The following MYO6 variants were observed in gnomAD, a reference collection of about 807,000 sequenced individuals.
MYO6 encodes unconventional myosin-VI.
Under a neutral mutation model 178.7 loss-of-function variants are expected in MYO6, and 74 were observed. That is an observed-to-expected ratio of 0.41 (90% CI 0.34 to 0.50). The LOEUF is 0.50. MYO6 is among the 20% of genes least tolerant of loss of function. MYO6 has a pLI of 0.09. For missense variants in MYO6, 1,330 were observed against 1,547.4 expected (o/e 0.86, Z 2.36); for synonymous variants, 477 against 504.6 (o/e 0.95, Z 0.73).
intron 1 of MYO6, among the ~76,000 whole-genome samples, chr6:75,772,723 A>C (rs1325454514): frequency 6.6e-6 from 1 of 152,142 alleles, no homozygotes; most frequent in Non-Finnish European, 1.5e-5. Flanking sequence ...GAGGAATTTT[A>C]TACCTATTGT....
At chr6:75,823,198 T>C (rs1252111284) in intron 3 of MYO6, among the ~76,000 whole-genome samples, 6 of 152,210 alleles carry the variant, frequency 3.9e-5, no homozygotes, top group Admixed American at 3.9e-4. Flanking sequence ...TGTGGTTCAG[T>C]AATTTGGAAG....
At chr6:75,833,986 G>A (rs936812658) in intron 6 of MYO6, among the ~76,000 whole-genome samples, 1 of 152,178 alleles carries the variant, frequency 6.6e-6, no homozygotes, top group East Asian at 1.9e-4. Context: ...CGAGGATCTT[G>A]GAGGATACTG....
At chr6:75,814,274 G>A (rs1770989003) in intron 1 of MYO6, among the ~76,000 whole-genome samples, 1 of 152,152 alleles carries the variant, frequency 6.6e-6, no homozygotes, top group Non-Finnish European at 1.5e-5. Context: ...GCTGCCAAGG[G>A]GTGGGGAGAG....
chr6:75,749,780 C>A (rs1776690258), intron 1 of MYO6, among the ~76,000 whole-genome samples: 1 of 152,172 alleles, frequency 6.6e-6, no homozygotes, highest in Admixed American at 6.5e-5. Context: ...GCTTAAAATT[C>A]AGTGCAGGGG....
chr6:75,899,753 A>G (rs1779591929), intron 30 of MYO6, among the ~76,000 whole-genome samples: 1 of 144,716 alleles, frequency 6.9e-6, no homozygotes, highest in Admixed American at 6.9e-5. Flanking sequence ...TTATTATTAT[A>G]CTTTAAGTTT....
chr6:75,812,661 T>C (rs1027865382), intron 1 of MYO6, among the ~76,000 whole-genome samples: 3 of 79,016 alleles, frequency 3.8e-5, no homozygotes, highest in African/African-American at 7.9e-5. Context: ...ATTGTTTCAG[T>C]TTTTTTTTTA....
chr6:75,824,705 G>A (rs1397744674), intron 3 of MYO6, among the ~76,000 whole-genome samples: 3 of 151,932 alleles, frequency 2.0e-5, no homozygotes, highest in Non-Finnish European at 4.4e-5. Context: ...AACAGAAGTA[G>A]TGCCTTAACA....
intron 1 of MYO6, among the ~76,000 whole-genome samples, chr6:75,773,633 C>T (rs1766101190): frequency 6.6e-6 from 1 of 152,140 alleles, no homozygotes; most frequent in Admixed American, 6.5e-5. Flanking sequence ...CATCATCAAG[C>T]TTATGTTGCA....
rs1271231119 is a variant in MYO6 at position 75,830,892 on chromosome 6, C to T, written c.391+347C>T. ...ACCATCAGCTCCATCTTAAAATTGT[C>T]CTCCTTCACAATTTTGAGGTTCTGG... is the stretch of plus-strand genomic sequence containing the variant. On this transcript the variant is annotated intron_variant, in intron 5 of 34. Transcript: ENST00000369977. Among the ~76,000 whole-genome samples, 8 of 152,260 alleles carry T rather than the reference C, an allele frequency of 5.3e-5. No individual in the cohort carries two copies. In the East Asian group the frequency reaches 1.5e-3, roughly 29 times the overall value.
Position 75,866,625 on chromosome 6 carries a change from A to C in MYO6, c.1770+4A>C. ...GGGGGCAGTGTGCTATGAAACAGTG[A>C]GTATAACTTTTACAAGGAGAAAACC... is the stretch of plus-strand genomic sequence containing the variant. On this transcript the variant is annotated splice_donor_region_variant and intron_variant, in intron 17 of 34. Transcript: ENST00000369977. The C allele has an allele frequency of 6.2e-7, 1 of 1,610,568 alleles. No homozygotes were observed. The highest frequency in any genetic ancestry group is 1.1e-5 in the South Asian group (1 of 91,004).
At position 75,916,911 on chromosome 6, in the gene MYO6, A is replaced by C. The variant is rs567728745; in HGVS notation, c.*1899A>C. ...TTAGTTTTTGACTCTAATAGTTAAT[A>C]CAATTATAGTTAATCTTAAGCCATA... On this transcript the variant is annotated 3_prime_UTR_variant, in exon 35 of 35. Transcript: ENST00000369977. 3.3e-5 allele frequency: 5 copies of C among 152,334 alleles called. No homozygotes were observed. The highest frequency in any genetic ancestry group is 7.2e-5 in the African/African-American group (3 of 41,582). 9.4% of individuals were successfully genotyped at this position (152,334 alleles called of 1,614,324 possible).
chr6:75,800,152 C>T (rs935482382), intron 1 of MYO6, among the ~76,000 whole-genome samples: 3 of 152,086 alleles, frequency 2.0e-5, no homozygotes, highest in African/African-American at 4.8e-5. Flanking sequence ...CATGGTTCAA[C>T]CCCCCTCCAG....
At chr6:75,776,653 A>AGTGT (rs35830759) in intron 1 of MYO6, among the ~76,000 whole-genome samples, 6,645 of 144,618 alleles carry the variant, frequency 0.046, 184 homozygotes, top group Non-Finnish European at 0.053. Flanking sequence ...AGAAACGTGC[A>AGTGT]GTGTGTGTGT....
At chr6:75,828,474 G>T in intron 3 of MYO6, 66 bp from the exon 4 acceptor site, 4 of 953,678 alleles carry the variant, frequency 4.2e-6, no homozygotes, top group Non-Finnish European at 6.8e-6. Flanking sequence ...TTCAGATTAA[G>T]ATAGTATTGC....
chr6:75,756,471 T>A (rs1324730697), intron 1 of MYO6, among the ~76,000 whole-genome samples: 2 of 152,146 alleles, frequency 1.3e-5, no homozygotes, highest in African/African-American at 4.8e-5. Flanking sequence ...TAGCCGGGAT[T>A]ACAGGTGCTC....
intron 18 of MYO6, among the ~76,000 whole-genome samples, 169 bp from the exon 19 acceptor site, chr6:75,870,478 A>T (rs1777059885): frequency 6.6e-6 from 1 of 152,222 alleles, no homozygotes. Context: ...ATTTTGCATG[A>T]TGCTGTCTGT....
intron 23 of MYO6, among the ~76,000 whole-genome samples, chr6:75,882,190 TTTC>T (rs1778092134): frequency 6.6e-6 from 1 of 152,160 alleles, no homozygotes; most frequent in African/African-American, 2.4e-5. Flanking sequence ...TGTAATTGAT[TTTC>T]CTTTCTTATC....
At chr6:75,813,964 G>A (rs1770952403) in intron 1 of MYO6, among the ~76,000 whole-genome samples, 2 of 152,124 alleles carry the variant, frequency 1.3e-5, no homozygotes, top group African/African-American at 4.8e-5. Flanking sequence ...ACGGAGGGAA[G>A]GAGTCTTTAA....
intron 1 of MYO6, among the ~76,000 whole-genome samples, chr6:75,802,474 A>C (rs1009481439): frequency 4.9e-5 from 5 of 102,978 alleles, no homozygotes; most frequent in African/African-American, 2.0e-4. Flanking sequence ...GTATCAAAAA[A>C]AAAAATTTTT....
Sources: gnomAD v4.1 joint callset for allele counts (sites outside exome capture counted in the v4.1 genomes callset) on GRCh38, gnomAD v4.1.1 for gene constraint, MANE v1.5 for transcripts, NCBI Gene and HGNC (gene_info 2026-07-23, HGNC 2026-07-21) for gene names.